The following LRGUK variants were observed in gnomAD, a reference collection of about 807,000 sequenced individuals.
LRGUK encodes leucine-rich repeat and guanylate kinase domain-containing protein.
In LRGUK, 65 loss-of-function variants were observed where a neutral mutation model predicts 76.0. The observed-to-expected ratio is 0.85, with a 90% CI of 0.70 to 1.05. The LOEUF (loss-of-function observed/expected upper bound fraction) is 1.05, where lower values mean the gene tolerates loss of function less well. Among genes scored for constraint, LRGUK ranks in the 50% least tolerant of loss-of-function variants. The probability of loss-of-function intolerance (pLI) is 0.00; values close to 1 mark genes in which losing one functional copy is unlikely to be tolerated. For missense variants in LRGUK, 758 were observed against 732.8 expected (o/e 1.03, Z -0.40); for synonymous variants, 268 against 265.6 (o/e 1.01, Z -0.09).
chr7:134,207,765 T>G (rs564080780), intron 15 of LRGUK, among the ~76,000 whole-genome samples: 1 of 152,334 alleles, frequency 6.6e-6, no homozygotes, highest in South Asian at 2.1e-4. Context: ...GAGCTGAGAC[T>G]AGCTTCTTCA....
chr7:134,128,238 G>T (rs1299075260), intron 1 of LRGUK, among the ~76,000 whole-genome samples: 1 of 152,136 alleles, frequency 6.6e-6, no homozygotes, highest in Non-Finnish European at 1.5e-5. Context: ...CACCAGAAAA[G>T]AGCCTTATAA....
intron 13 of LRGUK, 86 bp downstream of exon 13, chr7:134,197,191 G>A (rs1800528743): frequency 1.3e-5 from 10 of 750,390 alleles, no homozygotes; most frequent in South Asian, 3.7e-5. Flanking sequence ...GTGTATATAT[G>A]TATAAACTTT....
chr7:134,250,713 T>C (rs1017302504), intron 18 of LRGUK, among the ~76,000 whole-genome samples: 3 of 152,206 alleles, frequency 2.0e-5, no homozygotes, highest in Non-Finnish European at 4.4e-5. Context: ...GTTAATTAGC[T>C]TTCTGTAACC....
At position 134,220,877 on chromosome 7, in the gene LRGUK, G is replaced by A. The variant is rs947652889; in HGVS notation, c.1844-902G>A. Among the ~76,000 whole-genome samples the A allele has an allele frequency of 5.9e-5, 9 of 151,982 alleles. No homozygotes were observed. In the South Asian group the frequency reaches 6.2e-4, roughly 11 times the overall value. On this transcript the variant is annotated intron_variant, in intron 15 of 19. Coordinates refer to the LRGUK transcript ENST00000285928. ...GAGCCATTGCACCTGGCCAAGTCGG[G>A]TCTTGTGTGCCAAGCATGCAGGGGC...
chr7:134,197,004 C>T (rs1296611551), exon 13 of LRGUK: 3 of 1,587,322 alleles, frequency 1.9e-6, no homozygotes, highest in Non-Finnish European at 2.6e-6. Context: ...GAAATTCATT[C>T]TAACATTTAG....
chr7:134,215,938 G>A (rs1309490885), intron 15 of LRGUK, among the ~76,000 whole-genome samples: 1 of 152,180 alleles, frequency 6.6e-6, no homozygotes, highest in East Asian at 1.9e-4. Flanking sequence ...TTATGAGAGT[G>A]CAGTCATGAT....
chr7:134,183,810 G>GC lies in LRGUK; in HGVS notation c.1294dup (p.His432ProfsTer8). On this transcript the variant is annotated frameshift_variant, in exon 11 of 16. Transcript: ENST00000645682. LOFTEE classifies it high-confidence loss of function. ...TGAAGCTTGTGGGAAACGAGAGCTT[G>GC]CCCATCGCCTCTGCAGACAGTTTAG... 6.2e-7 allele frequency: 1 copy of GC among 1,614,144 alleles called. No individual in the cohort carries two copies. Among genetic ancestry groups the GC allele is most frequent in the East Asian group, 2.2e-5 (1 of 44,878 alleles).
chr7:134,142,511 T>C (rs1251542229), intron 3 of LRGUK, among the ~76,000 whole-genome samples: 1 of 152,170 alleles, frequency 6.6e-6, no homozygotes, highest in African/African-American at 2.4e-5. Flanking sequence ...CAATCTGGAG[T>C]CAAAAATCAA....
At chr7:134,181,255 G>T (rs1799732254) in intron 10 of LRGUK, among the ~76,000 whole-genome samples, 1 of 152,058 alleles carries the variant, frequency 6.6e-6, no homozygotes. Context: ...CTTTATACTT[G>T]AAAGTCATTT....
At chr7:134,231,724 C>T (rs1233312207) in intron 16 of LRGUK, among the ~76,000 whole-genome samples, 2 of 139,902 alleles carry the variant, frequency 1.4e-5, no homozygotes, top group South Asian at 2.4e-4. Context: ...TTCTCCCTCT[C>T]TTCCTCCCTT....
At chr7:134,159,528 C>T (rs1029679701) in intron 6 of LRGUK, among the ~76,000 whole-genome samples, 24 of 151,922 alleles carry the variant, frequency 1.6e-4, no homozygotes, top group African/African-American at 5.6e-4. Context: ...TGGTGGCTTG[C>T]GCCTGTAATC....
exon 16 of LRGUK, chr7:134,210,209 C>T (rs1801193424): frequency 7.5e-6 from 3 of 399,250 alleles, no homozygotes; most frequent in Non-Finnish European, 1.3e-5. Context: ...CACCATGGTG[C>T]CCGACGATCC....
intron 1 of LRGUK, among the ~76,000 whole-genome samples, chr7:134,130,334 G>C (rs972355738): frequency 1.4e-4 from 20 of 141,808 alleles, no homozygotes; most frequent in African/African-American, 5.2e-4. Context: ...AGTGTACTTT[G>C]TTATTCTAAT....
At chr7:134,192,074 T>C (rs1800278140) in intron 12 of LRGUK, among the ~76,000 whole-genome samples, 1 of 152,330 alleles carries the variant, frequency 6.6e-6, no homozygotes, top group African/African-American at 2.4e-5. Context: ...ATTAGTCAGA[T>C]TTACTCAAGA....
chr7:134,215,035 A>G (rs2117139257), downstream of LRGUK, among the ~76,000 whole-genome samples: 1 of 152,288 alleles, frequency 6.6e-6, no homozygotes, highest in Middle Eastern at 3.4e-3. Context: ...AGATCCACTT[A>G]CTGCAGCTGA....
chr7:134,168,005 T>A (rs2117949), intron 7 of LRGUK, among the ~76,000 whole-genome samples: 20,037 of 152,208 alleles, frequency 0.13, 1,665 homozygotes, highest in East Asian at 0.32. Flanking sequence ...TCATGAGCTC[T>A]GGGACTTTAT....
chr7:134,174,529 T>C (rs1222014052), intron 7 of LRGUK, 27 bp from the exon 8 acceptor site: 2 of 1,366,612 alleles, frequency 1.5e-6, no homozygotes, highest in Non-Finnish European at 2.1e-6. Flanking sequence ...TTTAGTCTGT[T>C]GATAATTTTT....
At chr7:134,154,102 A>G (rs1213402982) in intron 5 of LRGUK, among the ~76,000 whole-genome samples, 1 of 152,168 alleles carries the variant, frequency 6.6e-6, no homozygotes, top group Non-Finnish European at 1.5e-5. Context: ...AGGATCTACA[A>G]TTTCACTTTA....
chr7:134,161,883 G>A (rs1024609550), intron 6 of LRGUK, among the ~76,000 whole-genome samples: 24 of 151,962 alleles, frequency 1.6e-4, no homozygotes, highest in African/African-American at 5.5e-4. Flanking sequence ...TAGTAGAGAC[G>A]GAGTTTCACC....
Sources: allele counts gnomAD v4.1 joint callset (sites outside exome capture counted in the v4.1 genomes callset), GRCh38; gene constraint gnomAD v4.1.1; transcripts MANE v1.5; gene names NCBI Gene and HGNC (gene_info 2026-07-23, HGNC 2026-07-21).